MEGF9: variants seen among roughly 807,000 people sequenced by gnomAD.
MEGF9 encodes multiple epidermal growth factor-like domains protein 9.
In MEGF9, 6 loss-of-function variants were observed where a neutral mutation model predicts 46.8. The ratio of observed to expected loss-of-function variants is 0.13; its 90% CI spans 0.07 to 0.25. The LOEUF (loss-of-function observed/expected upper bound fraction) is 0.25, where lower values mean the gene tolerates loss of function less well. Ranked by LOEUF, MEGF9 falls within the 10% of genes least tolerant of loss-of-function variation. MEGF9 has a pLI of 1.00. For missense variants in MEGF9, 683 were observed against 792.4 expected (o/e 0.86, Z 1.66); for synonymous variants, 302 against 330.7 (o/e 0.91, Z 0.94).
At position 120,660,492 on chromosome 9, in the gene MEGF9, T is replaced by A. The variant is rs1193865225; in HGVS notation, c.602-917A>T. On this transcript the variant is annotated intron_variant, in intron 1 of 5. Coordinates refer to ENST00000373930, the MANE Select transcript of MEGF9 (RefSeq NM_001080497.3). ...ATTATTGACCACAGTCTATCTGCTG[T>A]GCTATCAAATACTAGGTCTTATTCA... Among the ~76,000 whole-genome samples, 3 of 152,226 alleles carry A rather than the reference T, an allele frequency of 2.0e-5. No individual in the cohort carries two copies. In the East Asian group the frequency reaches 5.8e-4, roughly 29 times the overall value.
chr9:120,637,374 A>G (rs966271451), intron 2 of MEGF9, among the ~76,000 whole-genome samples: 5 of 151,800 alleles, frequency 3.3e-5, no homozygotes, highest in Non-Finnish European at 5.9e-5. Flanking sequence ...TCGTCCTATG[A>G]CCCTGCCAAA....
intron 3 of MEGF9, among the ~76,000 whole-genome samples, chr9:120,615,289 A>ATG (rs953496588): frequency 1.5e-4 from 21 of 137,348 alleles, no homozygotes; most frequent in Middle Eastern, 3.6e-3. Flanking sequence ...GTGTGTGTGC[A>ATG]TGTGTGTGTA....
At chr9:120,612,149 A>G (rs1445702848) in intron 4 of MEGF9, among the ~76,000 whole-genome samples, 1 of 152,188 alleles carries the variant, frequency 6.6e-6, no homozygotes, top group Non-Finnish European at 1.5e-5. Flanking sequence ...GAAATAGGTG[A>G]GCAAAAGTTG....
At chr9:120,627,520 T>G (rs559539319) in intron 2 of MEGF9, among the ~76,000 whole-genome samples, 1 of 152,198 alleles carries the variant, frequency 6.6e-6, no homozygotes, top group African/African-American at 2.4e-5. Flanking sequence ...AGTGGTGCAG[T>G]GGCACAATCT....
chr9:120,634,514 G>C (rs4837787), intron 2 of MEGF9, among the ~76,000 whole-genome samples: 5,234 of 120,948 alleles, frequency 0.043, 554 homozygotes, highest in East Asian at 0.28. Context: ...GAGTGCAGTG[G>C]CGCAATCTTG....
chr9:120,605,552 T>C lies in MEGF9; in HGVS notation c.1447A>G (p.Thr483Ala). 3.1e-6 allele frequency: 5 copies of C among 1,611,262 alleles called. No homozygotes were observed. The highest frequency in any genetic ancestry group is 4.2e-6 in the Non-Finnish European group (5 of 1,178,382). Residue 483 changes from threonine (T) to alanine (A), a missense_variant, in exon 6 of 6, where the codon ACT (threonine) becomes GCT (alanine). Physicochemically the swap from Thr to Ala is moderately conservative, Grantham distance 58. Around this residue, in one of 2 missense-constraint regions of MEGF9, gnomAD observed 313 missense variants for 421.1 expected, o/e 0.74. Coordinates refer to ENST00000373930, the MANE Select transcript of MEGF9 (RefSeq NM_001080497.3). The surrounding 1 kb of genome is among the most constrained non-coding windows in gnomAD (Gnocchi z 4.0). ...TSVPTPVINS[T>A]FTPTTLQTIF... ...GTCTGCAGGGTTGTAGGGGTAAAAG[T>C]ACTATTTATAACAGGGGTGGGCACT...
At chr9:120,678,263 A>G (rs958739983) in intron 1 of MEGF9, among the ~76,000 whole-genome samples, 2 of 152,226 alleles carry the variant, frequency 1.3e-5, no homozygotes, top group Non-Finnish European at 2.9e-5. Context: ...ATGGGAATGC[A>G]AATATTCCTC....
intron 1 of MEGF9, among the ~76,000 whole-genome samples, chr9:120,684,764 C>A (rs1397020392): frequency 6.6e-6 from 1 of 152,176 alleles, no homozygotes; most frequent in Non-Finnish European, 1.5e-5. Context: ...GCCATGTATA[C>A]ACTAAGATCC....
chr9:120,678,928 C>T (rs547623542), intron 1 of MEGF9, among the ~76,000 whole-genome samples: 1 of 152,280 alleles, frequency 6.6e-6, no homozygotes, highest in South Asian at 2.1e-4. Context: ...CAATGAGATA[C>T]CATCTCACAC....
At chr9:120,669,662 T>C (rs890931475) in intron 1 of MEGF9, among the ~76,000 whole-genome samples, 1 of 151,862 alleles carries the variant, frequency 6.6e-6, no homozygotes, top group African/African-American at 2.4e-5. Context: ...AGTTCTAAAT[T>C]AGATATATAT....
At chr9:120,648,509 T>C (rs1199476166) in intron 2 of MEGF9, among the ~76,000 whole-genome samples, 3 of 152,040 alleles carry the variant, frequency 2.0e-5, no homozygotes, top group East Asian at 1.9e-4. Context: ...TCAATATCAA[T>C]CCAAATGCAA....
At chr9:120,629,646 A>T (rs542113058) in intron 2 of MEGF9, among the ~76,000 whole-genome samples, 3 of 151,832 alleles carry the variant, frequency 2.0e-5, no homozygotes, top group Non-Finnish European at 4.4e-5. Context: ...CCCCAAAAAA[A>T]TTTTTGGCTG....
chr9:120,634,918 C>T (rs1021982991), intron 2 of MEGF9, among the ~76,000 whole-genome samples: 2 of 152,030 alleles, frequency 1.3e-5, no homozygotes, highest in Non-Finnish European at 1.5e-5. Context: ...GAATGTTACA[C>T]TTTTGTGTTT....
chr9:120,631,636 C>A (rs927062409), intron 2 of MEGF9, among the ~76,000 whole-genome samples: 5 of 150,634 alleles, frequency 3.3e-5, no homozygotes, highest in African/African-American at 1.2e-4. Flanking sequence ...AGGTGTGCAC[C>A]ACCATGCCTG....
At chr9:120,695,904 T>A (rs564070103) in intron 1 of MEGF9, among the ~76,000 whole-genome samples, 1 of 152,306 alleles carries the variant, frequency 6.6e-6, no homozygotes, top group Non-Finnish European at 1.5e-5. Context: ...AGCCAGGGCA[T>A]GGGCCAGTCA....
At chr9:120,686,660 T>C (rs946973968) in intron 1 of MEGF9, among the ~76,000 whole-genome samples, 1 of 152,356 alleles carries the variant, frequency 6.6e-6, no homozygotes, top group African/African-American at 2.4e-5. Context: ...CACTACCTCC[T>C]TTTTACAGAT....
At chr9:120,626,779 G>T (rs919525954) in intron 2 of MEGF9, among the ~76,000 whole-genome samples, 5 of 152,190 alleles carry the variant, frequency 3.3e-5, no homozygotes, top group Admixed American at 6.5e-5. Context: ...CTGGCACAAA[G>T]TATTCATTCT....
intron 2 of MEGF9, among the ~76,000 whole-genome samples, chr9:120,655,930 TTTTG>T (rs768483246): frequency 1.3e-5 from 2 of 152,216 alleles, no homozygotes; most frequent in Non-Finnish European, 2.9e-5. Context: ...TCACACATTA[TTTTG>T]TTTAAAATGC....
At chr9:120,616,168 T>C (rs1014500362) in intron 3 of MEGF9, among the ~76,000 whole-genome samples, 2 of 152,044 alleles carry the variant, frequency 1.3e-5, no homozygotes, top group Non-Finnish European at 2.9e-5. Flanking sequence ...TTTCTTATTG[T>C]AAAATAACAC....
Sources: gnomAD v4.1 joint callset for allele counts (sites outside exome capture counted in the v4.1 genomes callset) on GRCh38, gnomAD v4.1.1 for gene constraint, gnomAD v4.1.1 regional missense constraint, Gnocchi (gnomAD v3.1) non-coding constraint, MANE v1.5 for transcripts, NCBI Gene and HGNC (gene_info 2026-07-23, HGNC 2026-07-21) for gene names.